The following AGTPBP1 variants were observed in gnomAD, a reference collection of about 807,000 sequenced individuals.
The protein encoded by AGTPBP1 is cytosolic carboxypeptidase 1.
Under a neutral mutation model 143.9 loss-of-function variants are expected in AGTPBP1, and 70 were observed. The observed-to-expected ratio is 0.49, with a 90% CI of 0.40 to 0.59. The LOEUF (loss-of-function observed/expected upper bound fraction) is 0.59, where lower values mean the gene tolerates loss of function less well. Ranked by LOEUF, AGTPBP1 falls within the 20% of genes least tolerant of loss-of-function variation. AGTPBP1 has a pLI of 0.00. For synonymous variants in AGTPBP1, 463 were observed against 500.2 expected, an observed-to-expected ratio of 0.93 and a Z score of 0.99; for missense variants, 1,229 against 1,464.5, an observed-to-expected ratio of 0.84 and a Z score of 2.62.
At chr9:85,803,070 G>C in the AGTPBP1 span, among the ~76,000 whole-genome samples, 1 of 152,164 alleles carries the variant, frequency 6.6e-6, no homozygotes, top group South Asian at 2.1e-4. Flanking sequence ...GAAAATAGAA[G>C]CAACTGGAAG....
chr9:85,640,370 T>C (rs1375256199), intron 13 of AGTPBP1, among the ~76,000 whole-genome samples: 1 of 152,248 alleles, frequency 6.6e-6, no homozygotes, highest in Non-Finnish European at 1.5e-5. Flanking sequence ...TAAAAGACGA[T>C]ATGCTATTTC....
chr9:85,700,893 A>T (rs62569257), intron 2 of AGTPBP1, among the ~76,000 whole-genome samples: 2,551 of 152,256 alleles, frequency 0.017, 26 homozygotes, highest in Middle Eastern at 0.054. Flanking sequence ...ACTAATACAT[A>T]GCTATATATA....
chr9:85,591,415 A>G (rs1446962547), intron 19 of AGTPBP1, among the ~76,000 whole-genome samples: 1 of 152,126 alleles, frequency 6.6e-6, no homozygotes, highest in Non-Finnish European at 1.5e-5. Context: ...AGTTACAAAG[A>G]GGTTGGCAGA....
At chr9:85,604,443 G>A (rs1829870581) in intron 17 of AGTPBP1, among the ~76,000 whole-genome samples, 1 of 152,188 alleles carries the variant, frequency 6.6e-6, no homozygotes, top group Non-Finnish European at 1.5e-5. Flanking sequence ...TATGGCTGCA[G>A]TGACCAAAGA....
chr9:85,644,360 C>T (rs1391270438), intron 12 of AGTPBP1, among the ~76,000 whole-genome samples: 1 of 150,612 alleles, frequency 6.6e-6, no homozygotes, highest in Non-Finnish European at 1.5e-5. Context: ...ATATTCTTTT[C>T]TCTAAACATA....
the AGTPBP1 span, among the ~76,000 whole-genome samples, chr9:85,765,298 G>T: frequency 6.6e-6 from 1 of 152,088 alleles, no homozygotes; most frequent in Non-Finnish European, 1.5e-5. Context: ...ATTTCTTGAA[G>T]GATACTAGGT....
intron 1 of AGTPBP1, among the ~76,000 whole-genome samples, chr9:85,731,023 T>C (rs962523592): frequency 1.3e-5 from 2 of 152,218 alleles, no homozygotes; most frequent in Non-Finnish European, 2.9e-5. Context: ...GTCTTTACTG[T>C]TTTATTTTTA....
chr9:85,763,405 G>C, the AGTPBP1 span, among the ~76,000 whole-genome samples: 1 of 151,968 alleles, frequency 6.6e-6, no homozygotes, highest in Non-Finnish European at 1.5e-5. Context: ...GAAAAGAATA[G>C]ATTGAAAAGA....
At chr9:85,579,233 T>C in intron 23 of AGTPBP1, 137 bp from the exon 24 acceptor site, 1 of 797,654 alleles carries the variant, frequency 1.3e-6, no homozygotes, top group African/African-American at 1.8e-5. Flanking sequence ...TCCCTTGCCA[T>C]TCAAACAGCA....
chr9:85,693,937 G>A (rs1398794825), intron 2 of AGTPBP1, among the ~76,000 whole-genome samples: 4 of 152,006 alleles, frequency 2.6e-5, no homozygotes, highest in Non-Finnish European at 4.4e-5. Context: ...CCAGAAAAAC[G>A]GAGGCACAAG....
At chr9:85,665,192 G>A (rs1281032537) in intron 8 of AGTPBP1, among the ~76,000 whole-genome samples, 1 of 152,198 alleles carries the variant, frequency 6.6e-6, no homozygotes, top group Non-Finnish European at 1.5e-5. Context: ...ACTGGAGTAG[G>A]TGGGCCCTTA....
chr9:85,618,512 T>C (rs1353323029), intron 17 of AGTPBP1, among the ~76,000 whole-genome samples: 1 of 151,118 alleles, frequency 6.6e-6, no homozygotes, highest in Non-Finnish European at 1.5e-5. Flanking sequence ...ATTAACAAAA[T>C]ATTAGCAATT....
chr9:85,637,874 G>A lies in AGTPBP1; in HGVS notation c.1303-4500C>T, dbSNP rs376307271. 9.2e-5 allele frequency among the ~76,000 whole-genome samples: 14 copies of A among 152,294 alleles called. 1 individual carries two copies. Among genetic ancestry groups the A allele is most frequent in the African/African-American group, 2.4e-4 (10 of 41,566 alleles). Reference sequence around the variant, plus strand: ...ATGTTTACAAAATAAAGACACTTTCGGGGAGGGAGAGCAAGACAGCATGTG... The same window carrying A: ...ATGTTTACAAAATAAAGACACTTTCAGGGAGGGAGAGCAAGACAGCATGTG... On this transcript the variant is annotated intron_variant, in intron 13 of 25. Transcript: ENST00000357081.
chr9:85,759,595 C>T, the AGTPBP1 span, among the ~76,000 whole-genome samples: 1 of 151,842 alleles, frequency 6.6e-6, no homozygotes, highest in Non-Finnish European at 1.5e-5. Flanking sequence ...CACAACATAC[C>T]AGAATCTCTG....
At chr9:85,741,414 C>T in intron 1 of AGTPBP1, 1 of 985,276 alleles carries the variant, frequency 1.0e-6, no homozygotes, top group African/African-American at 1.7e-5. Flanking sequence ...GGACTCCCCG[C>T]GGCGCCGCGA....
chr9:85,714,247 C>T (rs576983830), intron 1 of AGTPBP1, among the ~76,000 whole-genome samples: 2 of 152,186 alleles, frequency 1.3e-5, no homozygotes, highest in East Asian at 3.8e-4. Flanking sequence ...CCAAAGTGAA[C>T]AGATCCAGGA....
intron 12 of AGTPBP1, 54 bp downstream of exon 12, chr9:85,646,267 A>T: frequency 1.5e-6 from 2 of 1,313,884 alleles, no homozygotes; most frequent in Non-Finnish European, 2.2e-6. Context: ...TTTTTGTTTT[A>T]CAACTGTAGT....
Position 85,589,555 on chromosome 9 carries a change from T to TAG in AGTPBP1, c.2693_2694dup (p.Asn899LeufsTer33). 1.2e-6 allele frequency: 2 copies of TAG among 1,611,346 alleles called. No individual in the cohort carries two copies. ...AAATGGCAGATATGTTCATAATAATTAGACTCTGGCATTGCTGTTATAGTC... is the reference window on the plus strand; with the variant it reads ...AAATGGCAGATATGTTCATAATAATTAGAGACTCTGGCATTGCTGTTATAGTC... On this transcript the variant is annotated frameshift_variant, in exon 20 of 26. Coordinates refer to ENST00000357081, the MANE Select transcript of AGTPBP1 (RefSeq NM_001330701.2). LOFTEE classifies it high-confidence loss of function.
chr9:85,790,851 A>G, the AGTPBP1 span, among the ~76,000 whole-genome samples: 3 of 152,220 alleles, frequency 2.0e-5, no homozygotes, highest in African/African-American at 7.2e-5. Context: ...TATATGCCCA[A>G]GGAACAAAAC....
Sources: allele counts gnomAD v4.1 joint callset (sites outside exome capture counted in the v4.1 genomes callset), GRCh38; gene constraint gnomAD v4.1.1; transcripts MANE v1.5; gene names NCBI Gene and HGNC (gene_info 2026-07-23, HGNC 2026-07-21).